The following SHISAL1 variants were observed in gnomAD, a reference collection of about 807,000 sequenced individuals.
SHISAL1 encodes shisa like 1.
SHISAL1 carries 9 observed loss-of-function variants against 22.6 expected under a neutral mutation model. That is an observed-to-expected ratio of 0.40 (90% CI 0.24 to 0.70). The LOEUF (loss-of-function observed/expected upper bound fraction) is 0.70, where lower values mean the gene tolerates loss of function less well. Among genes scored for constraint, SHISAL1 ranks in the 30% least tolerant of loss-of-function variants. The pLI is 0.39. For synonymous variants in SHISAL1, 119 were observed against 115.4 expected (o/e 1.03, Z -0.20); for missense variants, 246 against 270.6 (o/e 0.91, Z 0.64).
chr22:44,329,256 G>T, the SHISAL1 span, among the ~76,000 whole-genome samples: 1 of 152,332 alleles, frequency 6.6e-6, no homozygotes, highest in East Asian at 1.9e-4. Flanking sequence ...ATGGATGGAT[G>T]GATGACCGGT....
chr22:44,299,365 C>T (rs1476571847), intron 2 of SHISAL1, among the ~76,000 whole-genome samples: 1 of 152,228 alleles, frequency 6.6e-6, no homozygotes, highest in Admixed American at 6.5e-5. Context: ...TGGCCCCTCC[C>T]CTGAAGGGGT....
chr22:44,313,924 G>A (rs549594610), upstream of SHISAL1, among the ~76,000 whole-genome samples: 2 of 152,284 alleles, frequency 1.3e-5, no homozygotes, highest in African/African-American at 2.4e-5. Flanking sequence ...ATCTAACCAC[G>A]GTCCCAACAA....
intron 3 of SHISAL1, among the ~76,000 whole-genome samples, chr22:44,290,822 G>A (rs995075716): frequency 2.0e-5 from 3 of 152,198 alleles, no homozygotes; most frequent in Admixed American, 6.5e-5. Flanking sequence ...ATGCTGGCTC[G>A]TGTGATTAAG....
intron 3 of SHISAL1, among the ~76,000 whole-genome samples, chr22:44,290,835 A>C (rs2055348002): frequency 6.6e-6 from 1 of 152,216 alleles, no homozygotes; most frequent in Non-Finnish European, 1.5e-5. Context: ...TGATTAAGGC[A>C]CAGAGAGAGT....
chr22:44,287,175 A>C (rs1171454886), intron 3 of SHISAL1, among the ~76,000 whole-genome samples: 2 of 152,150 alleles, frequency 1.3e-5, no homozygotes, highest in Non-Finnish European at 2.9e-5. Context: ...CTGGGCCTGG[A>C]GGAGATGAGC....
At chr22:44,296,557 C>A (rs2055387224) in intron 3 of SHISAL1, 115 bp downstream of exon 3, 3 of 835,984 alleles carry the variant, frequency 3.6e-6, no homozygotes, top group Non-Finnish European at 5.9e-6. Context: ...CCTTCCAGGC[C>A]CACCCAACCT....
chr22:44,304,528 G>A (rs2055456799), intron 1 of SHISAL1, among the ~76,000 whole-genome samples: 2 of 152,146 alleles, frequency 1.3e-5, no homozygotes, highest in South Asian at 4.1e-4. Flanking sequence ...TCTGGGGAGG[G>A]GCTGCCCCCA....
intron 1 of SHISAL1, among the ~76,000 whole-genome samples, chr22:44,306,113 A>G (rs548636505): frequency 6.6e-6 from 1 of 152,328 alleles, no homozygotes; most frequent in African/African-American, 2.4e-5. Flanking sequence ...GGCCTTGGGG[A>G]CCAGCCAGCT....
rs572568044 is a variant in SHISAL1, at chr22:44,286,148, T to G, written c.282-403A>C. Among the ~76,000 whole-genome samples, 147 of 152,262 alleles carry G rather than the reference T, an allele frequency of 9.7e-4. 3 individuals carry two copies. The South Asian group carries it at 0.03, about 31-fold the overall frequency. ...TTCCTGCAGGTGCCCCTGCCCCACC[T>G]TTGCCTACATTGTTCCTGGCACCCG... On this transcript the variant is annotated intron_variant, in intron 3 of 4. Transcript: ENST00000381176.
chr22:44,285,129 G>T lies in SHISAL1; in HGVS notation c.599+299C>A, dbSNP rs140257363. 4.6e-3 allele frequency among the ~76,000 whole-genome samples: 705 copies of T among 152,254 alleles called. 6 individuals carry two copies. Among genetic ancestry groups the T allele is most frequent in the African/African-American group, 0.016 (665 of 41,522 alleles). On this transcript the variant is annotated intron_variant, in intron 4 of 4. Transcript: ENST00000381176. The stretch of plus-strand genomic sequence containing the variant: ...GTTTTCCCCTTTGCCTTGGCAGCTA[G>T]GTAACCCAAAACTCCACTAAATGTT...
the SHISAL1 span, among the ~76,000 whole-genome samples, chr22:44,325,138 G>A: frequency 6.6e-6 from 1 of 152,078 alleles, no homozygotes; most frequent in African/African-American, 2.4e-5. Context: ...AGCTACTAGG[G>A]AGGCTGAGGC....
chr22:44,330,261 G>C, the SHISAL1 span, among the ~76,000 whole-genome samples: 2 of 152,350 alleles, frequency 1.3e-5, no homozygotes, highest in East Asian at 3.9e-4. Context: ...CTATCTTCCA[G>C]ATGAGGAAAC....
intron 4 of SHISAL1, among the ~76,000 whole-genome samples, chr22:44,258,020 A>G (rs1456438978): frequency 6.6e-6 from 1 of 152,196 alleles, no homozygotes; most frequent in South Asian, 2.1e-4. Context: ...CACACCTGTA[A>G]TCACAGCTAC....
chr22:44,330,570 G>C, the SHISAL1 span, among the ~76,000 whole-genome samples: 2 of 152,330 alleles, frequency 1.3e-5, no homozygotes, highest in East Asian at 3.9e-4. Context: ...GACCCTAGGG[G>C]GCATGGACCC....
chr22:44,284,893 T>TCCTGCCTGCCTGCCTG (rs376263550), intron 4 of SHISAL1, among the ~76,000 whole-genome samples: 46 of 144,194 alleles, frequency 3.2e-4, no homozygotes, highest in African/African-American at 5.7e-4. Context: ...CTCTCTGCCT[T>TCCTGCCTGCCTGCCTG]CCTGCCTTCC....
At chr22:44,325,638 T>C in the SHISAL1 span, among the ~76,000 whole-genome samples, 3 of 152,200 alleles carry the variant, frequency 2.0e-5, no homozygotes. Flanking sequence ...GCTGCGACTC[T>C]GGCCACCTTG....
At chr22:44,273,945 C>T (rs1471731116) in intron 4 of SHISAL1, among the ~76,000 whole-genome samples, 1 of 152,208 alleles carries the variant, frequency 6.6e-6, no homozygotes, top group African/African-American at 2.4e-5. Flanking sequence ...AGACTGGGCG[C>T]GGTGGCTCAC....
rs2055000891 is a variant in SHISAL1, at chr22:44,246,351, C to G, written c.*3334G>C. ...CAGATTCCTCTGTGGACATCTTGTC[C>G]TCTTCTCTCTCTCGTTTTTCTTTTT... On this transcript the variant is annotated 3_prime_UTR_variant, in exon 5 of 5. Transcript: ENST00000381176. 6.6e-6 allele frequency: 1 copy of G among 151,942 alleles called. No individual in the cohort carries two copies. The highest frequency in any genetic ancestry group is 2.4e-5 in the African/African-American group (1 of 41,208). The allele number at this position is 151,942 out of a possible 1,614,324, so 9.4% of individuals were successfully genotyped here.
chr22:44,272,586 G>A (rs1241840497), intron 4 of SHISAL1, among the ~76,000 whole-genome samples: 7 of 152,254 alleles, frequency 4.6e-5, no homozygotes, highest in African/African-American at 1.7e-4. Flanking sequence ...GGCTTTGAAA[G>A]AGGATGCCCA....
Sources: allele counts gnomAD v4.1 joint callset (sites outside exome capture counted in the v4.1 genomes callset), GRCh38; gene constraint gnomAD v4.1.1; transcripts MANE v1.5; gene names NCBI Gene and HGNC (gene_info 2026-07-23, HGNC 2026-07-21).